The following BRD4 variants were observed in gnomAD, a reference collection of about 807,000 sequenced individuals.
BRD4 encodes bromodomain-containing protein 4.
Under a neutral mutation model 142.1 loss-of-function variants are expected in BRD4, and 16 were observed. That is an observed-to-expected ratio of 0.11 (90% confidence interval 0.08 to 0.17). The LOEUF (loss-of-function observed/expected upper bound fraction) is 0.17. BRD4 is among the 10% of genes least tolerant of loss of function. The pLI, the probability that BRD4 is intolerant of heterozygous loss-of-function variation, is 1.00. For missense variants in BRD4, 1,424 were observed against 1,810.9 expected (o/e 0.79, Z 3.88); for synonymous variants, 833 against 707.5 (o/e 1.18, Z -2.82).
At chr19:15,267,345 C>A in intron 4 of BRD4, 71 bp downstream of exon 4, 1 of 1,570,182 alleles carries the variant, frequency 6.4e-7, no homozygotes, top group Non-Finnish European at 8.7e-7. Context: ...CACTCCCAGC[C>A]CCCCACCAAA....
chr19:15,304,792 C>G (rs2047899727), intron 1 of BRD4, among the ~76,000 whole-genome samples: 1 of 152,076 alleles, frequency 6.6e-6, no homozygotes, highest in Non-Finnish European at 1.5e-5. Flanking sequence ...GTTTTGCAGC[C>G]AAGGAAGCTG....
chr19:15,287,388 C>G (rs1044360380), intron 1 of BRD4, among the ~76,000 whole-genome samples: 7 of 152,134 alleles, frequency 4.6e-5, no homozygotes, highest in Non-Finnish European at 8.8e-5. Flanking sequence ...CAATCACTAT[C>G]TAGCTCCAGA....
intron 1 of BRD4, 109 bp from the exon 2 acceptor site, chr19:15,273,242 T>C (rs1435996167): frequency 3.4e-6 from 4 of 1,184,600 alleles, no homozygotes; most frequent in South Asian, 3.3e-5. Flanking sequence ...TCCCTGGCGG[T>C]AGCTAGCCAA....
At chr19:15,298,363 C>A (rs1012165567) in intron 1 of BRD4, among the ~76,000 whole-genome samples, 2 of 152,076 alleles carry the variant, frequency 1.3e-5, no homozygotes, top group Non-Finnish European at 2.9e-5. Context: ...GTTGGCCGGG[C>A]ACGGTGGCTC....
chr19:15,264,680 C>T lies in BRD4; in HGVS notation c.936G>A (p.Glu312=), dbSNP rs745658436. 4 of 1,613,542 alleles carry T rather than the reference C, an allele frequency of 2.5e-6. No individual in the cohort carries two copies. The East Asian group carries it at 8.9e-5, about 36-fold the overall frequency. Residue 312 remains glutamate, a synonymous_variant, in exon 6 of 20, where the codon GAG becomes GAA. Transcript: ENST00000679869. ...PIHEPPSLPP[E]PKTTKLGQRR... Reference sequence around the variant, plus strand: ...GCTGGCCCAGCTTGGTGGTCTTGGGCTCCGGGGGCAGCGAGGGTGGCTCGT... The same window carrying T: ...GCTGGCCCAGCTTGGTGGTCTTGGGTTCCGGGGGCAGCGAGGGTGGCTCGT...
At chr19:15,324,570 CA>C (rs761293391) in intron 1 of BRD4, among the ~76,000 whole-genome samples, 3 of 152,196 alleles carry the variant, frequency 2.0e-5, no homozygotes, top group Non-Finnish European at 2.9e-5. Flanking sequence ...AGAATCCTTT[CA>C]CCAAGCCCAG....
At chr19:15,280,244 C>T (rs1299941901) in intron 1 of BRD4, 1 of 1,004,990 alleles carries the variant, frequency 1.0e-6, no homozygotes, top group Non-Finnish European at 1.2e-6. Flanking sequence ...GTCCTCTGCT[C>T]CACAGCTGTC....
intron 7 of BRD4, among the ~76,000 whole-genome samples, chr19:15,257,606 C>T (rs937822825): frequency 2.0e-5 from 3 of 152,192 alleles, no homozygotes; most frequent in East Asian, 1.9e-4. Flanking sequence ...GCATTCCAGG[C>T]AGAGGACACA....
rs558576565 is a variant in BRD4 at position 15,252,240 on chromosome 19, G to A, written c.2158+1912C>T. Among the ~76,000 whole-genome samples, 14 of 152,298 alleles carry A rather than the reference G, an allele frequency of 9.2e-5. 1 individual carries two copies. The South Asian group carries it at 2.5e-3, about 27-fold the overall frequency. The stretch of plus-strand genomic sequence containing the variant: ...CACACACTGGAAATCAGGATGTGAT[G>A]GCCACAGCCCTCTAAGGTGTCTTGT... On this transcript the variant is annotated intron_variant, in intron 11 of 19. Transcript: ENST00000679869.
chr19:15,238,535 G>A lies in BRD4; in HGVS notation c.4021-90C>T, dbSNP rs141725845. 1,133 of 1,598,902 alleles carry A rather than the reference G, an allele frequency of 7.1e-4. 4 individuals carry two copies. The Middle Eastern group carries it at 0.011, about 16-fold the overall frequency. On this transcript the variant is annotated intron_variant, in intron 19 of 19. Coordinates refer to ENST00000679869, the MANE Select transcript of BRD4 (RefSeq NM_001379291.1). The surrounding 1 kb of genome is among the most constrained non-coding windows in gnomAD (Gnocchi z 7.2). ...ATACCCGCTACCAGCAGTCAGCCCC[G>A]TAGCCCTCCCCGTGGCTGACCCCTC...
chr19:15,302,908 CGAGGCA>C (rs1452448089), intron 1 of BRD4, among the ~76,000 whole-genome samples: 1 of 144,468 alleles, frequency 6.9e-6, no homozygotes, highest in African/African-American at 2.6e-5. Context: ...CTTGAGAGGC[CGAGGCA>C]GGAGAATGGC....
At chr19:15,318,752 G>A (rs1375024762) in intron 1 of BRD4, among the ~76,000 whole-genome samples, 1 of 152,216 alleles carries the variant, frequency 6.6e-6, no homozygotes, top group Non-Finnish European at 1.5e-5. Flanking sequence ...CATGGAGACA[G>A]TTTACAAACA....
At chr19:15,280,671 T>C (rs1271438121) in intron 1 of BRD4, among the ~76,000 whole-genome samples, 1 of 152,136 alleles carries the variant, frequency 6.6e-6, no homozygotes, top group Non-Finnish European at 1.5e-5. Flanking sequence ...TTTTATTCCA[T>C]ACAGACTGCC....
intron 1 of BRD4, among the ~76,000 whole-genome samples, chr19:15,296,276 G>A (rs890043550): frequency 1.3e-5 from 2 of 151,952 alleles, no homozygotes; most frequent in South Asian, 2.1e-4. Flanking sequence ...AAAGAATCCC[G>A]AAGACTCCTG....
chr19:15,240,123 A>G (rs1480464116), intron 14 of BRD4, 101 bp from the exon 15 acceptor site: 3 of 1,463,948 alleles, frequency 2.0e-6, no homozygotes, highest in Non-Finnish European at 2.7e-6. Context: ...GAGAAACTGC[A>G]TGTGCCGCCC....
chr19:15,242,109 C>T (rs763016007), intron 14 of BRD4, among the ~76,000 whole-genome samples: 6 of 152,158 alleles, frequency 3.9e-5, no homozygotes, highest in Non-Finnish European at 8.8e-5. Context: ...CCACCGCGCC[C>T]GGCCTGCATC....
At chr19:15,291,761 G>A (rs747976449) in intron 1 of BRD4, among the ~76,000 whole-genome samples, 7 of 152,158 alleles carry the variant, frequency 4.6e-5, no homozygotes, top group Admixed American at 2.0e-4. Context: ...AATGAAAAAC[G>A]ACTGAATATG....
chr19:15,253,204 G>T, intron 11 of BRD4: 1 of 350,236 alleles, frequency 2.9e-6, no homozygotes, highest in Non-Finnish European at 5.3e-6. Flanking sequence ...CAACCCCGTT[G>T]GCCGTAAACA....
intron 1 of BRD4, among the ~76,000 whole-genome samples, chr19:15,279,819 T>A (rs528879325): frequency 3.3e-5 from 5 of 152,210 alleles, no homozygotes; most frequent in Admixed American, 6.5e-5. Flanking sequence ...CTACCTGAAG[T>A]CCTGGCCTCC....
Sources: allele counts gnomAD v4.1 joint callset (sites outside exome capture counted in the v4.1 genomes callset), GRCh38; gene constraint gnomAD v4.1.1; non-coding constraint Gnocchi (gnomAD v3.1); transcripts MANE v1.5; gene names NCBI Gene and HGNC (gene_info 2026-07-23, HGNC 2026-07-21).